HEATR5A: variants seen among roughly 807,000 people sequenced by gnomAD.
HEATR5A encodes the protein HEAT repeat containing 5A.
HEATR5A carries 178 observed loss-of-function variants against 218.8 expected under a neutral mutation model. The observed-to-expected ratio is 0.81, with a 90% confidence interval of 0.72 to 0.92. The LOEUF is 0.92. Ranked by LOEUF, HEATR5A falls within the 40% of genes least tolerant of loss-of-function variation. The pLI, the probability that HEATR5A is intolerant of heterozygous loss-of-function variation, is 0.00. For synonymous variants in HEATR5A, 864 were observed against 871.6 expected, an observed-to-expected ratio of 0.99 and a Z score of 0.15; for missense variants, 2,420 against 2,418.9, an observed-to-expected ratio of 1.00 and a Z score of -0.01.
chr14:31,303,708 C>A (rs896488916), intron 32 of HEATR5A, among the ~76,000 whole-genome samples: 1 of 152,018 alleles, frequency 6.6e-6, no homozygotes, highest in Non-Finnish European at 1.5e-5. Context: ...TTTAGGGAAG[C>A]CTTTATACAT....
At chr14:31,373,495 A>C (rs936139491) in intron 12 of HEATR5A, among the ~76,000 whole-genome samples, 1 of 151,394 alleles carries the variant, frequency 6.6e-6, no homozygotes, top group Non-Finnish European at 1.5e-5. Context: ...CATCTGGCTA[A>C]TTTTTTTGTA....
At chr14:31,359,497 T>A (rs1595135354) in intron 14 of HEATR5A, among the ~76,000 whole-genome samples, 1 of 150,960 alleles carries the variant, frequency 6.6e-6, no homozygotes, top group Non-Finnish European at 1.5e-5. Context: ...GAGGCGAAGG[T>A]GGGTGGATCA....
chr14:31,327,590 C>A (rs564143128), intron 22 of HEATR5A, among the ~76,000 whole-genome samples: 21 of 151,892 alleles, frequency 1.4e-4, no homozygotes, highest in Middle Eastern at 3.4e-3. Context: ...CACGCCTGGC[C>A]CAGTATAATT....
chr14:31,417,357 G>A (rs1470968981), intron 1 of HEATR5A, among the ~76,000 whole-genome samples: 1 of 152,118 alleles, frequency 6.6e-6, no homozygotes, highest in East Asian at 1.9e-4. Flanking sequence ...CAGAAGATGG[G>A]AGGCCATCCT....
chr14:31,293,605 C>T lies in HEATR5A; in HGVS notation c.5841G>A (p.Gln1947=), dbSNP rs1298691022. ...GGATGGGCAAAAGACAGGCCACCAG[C>T]TGAGCGCCTAGAAAGTAAACAAATA... ...VTVAEEHHRA[Q]LVACLLPILI... is the part of the protein sequence containing the mutation. The change falls in exon 36 of 36, where the codon CAG becomes CAA. Residue 1947 remains glutamine, a synonymous_variant. Transcript: ENST00000543095. 3 of 1,601,928 alleles carry T rather than the reference C, an allele frequency of 1.9e-6. No homozygotes were observed. Among genetic ancestry groups the T allele is most frequent in the African/African-American group, 2.7e-5 (2 of 73,970 alleles).
At chr14:31,371,711 A>G in intron 13 of HEATR5A, 99 bp downstream of exon 13, 1 of 469,478 alleles carries the variant, frequency 2.1e-6, no homozygotes, top group South Asian at 6.0e-5. Context: ...CTTCCTCCAT[A>G]AAATCATTCA....
chr14:31,310,501 G>A (rs1899709168), intron 28 of HEATR5A, among the ~76,000 whole-genome samples: 1 of 152,088 alleles, frequency 6.6e-6, no homozygotes, highest in South Asian at 2.1e-4. Flanking sequence ...TTAGCTGGGC[G>A]TGGTAGTGCA....
chr14:31,299,900 G>A (rs150057697), intron 33 of HEATR5A, among the ~76,000 whole-genome samples: 2,980 of 151,620 alleles, frequency 0.02, 85 homozygotes, highest in African/African-American at 0.068. Flanking sequence ...GCCAGGCCTG[G>A]TGGTGAGCAC....
intron 32 of HEATR5A, among the ~76,000 whole-genome samples, chr14:31,304,699 G>A (rs912573397): frequency 6.6e-6 from 1 of 152,226 alleles, no homozygotes; most frequent in Non-Finnish European, 1.5e-5. Flanking sequence ...TTACAGGCGT[G>A]AGCCATTGCG....
intron 17 of HEATR5A, 140 bp downstream of exon 17, chr14:31,350,472 C>T: frequency 1.7e-6 from 1 of 604,790 alleles, no homozygotes; most frequent in South Asian, 2.1e-5. Flanking sequence ...AATTCCAAAT[C>T]CTGAAAACTT....
At chr14:31,300,758 T>C (rs529035184) in intron 33 of HEATR5A, among the ~76,000 whole-genome samples, 1 of 152,296 alleles carries the variant, frequency 6.6e-6, no homozygotes, top group East Asian at 1.9e-4. Flanking sequence ...TTGCCCAATA[T>C]TGCCTTCCCC....
rs973804216 is a variant in HEATR5A, at chr14:31,345,099, G to C, written c.3046C>G (p.Pro1016Ala). Residue 1016 changes from proline (P) to alanine (A), a missense_variant, in exon 20 of 36, where the codon CCA (proline) becomes GCA (alanine). Physicochemically the swap from Pro to Ala is conservative, Grantham distance 27. Coordinates refer to ENST00000543095, the MANE Select transcript of HEATR5A (RefSeq NM_015473.4). The part of the protein sequence containing the change: ...CLNALITTLG[P>A]ELQGNSTSIS... Reference sequence around the variant, plus strand: ...CAGCTATGCACACCTTGTAGCTCTGGACCTAACGTGGTAATAAGGGCATTC... The same window carrying C: ...CAGCTATGCACACCTTGTAGCTCTGCACCTAACGTGGTAATAAGGGCATTC... 1.2e-6 allele frequency: 2 copies of C among 1,612,992 alleles called. No individual in the cohort carries two copies. The highest frequency in any genetic ancestry group is 1.7e-6 in the Non-Finnish European group (2 of 1,179,656).
At chr14:31,304,252 C>A (rs1358505636) in intron 32 of HEATR5A, among the ~76,000 whole-genome samples, 2 of 152,122 alleles carry the variant, frequency 1.3e-5, no homozygotes, top group African/African-American at 2.4e-5. Flanking sequence ...CAATTCCAAA[C>A]AGAACCAGAT....
intron 10 of HEATR5A, among the ~76,000 whole-genome samples, chr14:31,381,698 A>T (rs1353915557): frequency 6.6e-6 from 1 of 152,120 alleles, no homozygotes; most frequent in African/African-American, 2.4e-5. Context: ...AGACGGGAAG[A>T]TTGCTTGAGC....
intron 1 of HEATR5A, among the ~76,000 whole-genome samples, chr14:31,417,082 A>C (rs2031476160): frequency 1.3e-5 from 2 of 152,070 alleles, no homozygotes; most frequent in Non-Finnish European, 2.9e-5. Context: ...CAAATAAATA[A>C]AACAAAAAAA....
intron 16 of HEATR5A, among the ~76,000 whole-genome samples, chr14:31,351,943 T>C (rs1901249773): frequency 6.6e-6 from 1 of 152,156 alleles, no homozygotes; most frequent in African/African-American, 2.4e-5. Context: ...TGTTTGTGAA[T>C]CCAAATTTCA....
At chr14:31,317,143 C>T (rs904614938) in intron 26 of HEATR5A, among the ~76,000 whole-genome samples, 2 of 152,044 alleles carry the variant, frequency 1.3e-5, no homozygotes, top group African/African-American at 4.8e-5. Flanking sequence ...ATGTAGTTCT[C>T]TGAATAGTAA....
chr14:31,309,698 C>T (rs1374692508), intron 28 of HEATR5A, among the ~76,000 whole-genome samples: 2 of 151,994 alleles, frequency 1.3e-5, no homozygotes, highest in African/African-American at 4.8e-5. Flanking sequence ...TAACATTTTC[C>T]CTGATTTTCT....
At chr14:31,312,544 C>T (rs1054729989) in intron 28 of HEATR5A, among the ~76,000 whole-genome samples, 1 of 151,818 alleles carries the variant, frequency 6.6e-6, no homozygotes, top group Admixed American at 6.6e-5. Context: ...TCCCGAGTTG[C>T]AGGGATTACA....
Sources: gnomAD v4.1 joint callset for allele counts (sites outside exome capture counted in the v4.1 genomes callset) on GRCh38, gnomAD v4.1.1 for gene constraint, MANE v1.5 for transcripts, NCBI Gene and HGNC (gene_info 2026-07-23, HGNC 2026-07-21) for gene names.